Variants in LIN28B observed in about 807,000 individuals in gnomAD.
LIN28B encodes the protein lin-28 RNA binding posttranscriptional regulator B.
Under a neutral mutation model 21.9 loss-of-function variants are expected in LIN28B, and 5 were observed. The observed-to-expected ratio is 0.23, with a 90% CI of 0.12 to 0.48. The LOEUF (loss-of-function observed/expected upper bound fraction) is 0.48. LIN28B is among the 20% of genes least tolerant of loss of function. LIN28B has a pLI of 0.98. For synonymous variants in LIN28B, 109 were observed against 111.3 expected, an observed-to-expected ratio of 0.98 and a Z score of 0.13; for missense variants, 245 against 310.5, an observed-to-expected ratio of 0.79 and a Z score of 1.58.
At chr6:105,037,712 C>T (rs1771549212) in intron 3 of LIN28B, among the ~76,000 whole-genome samples, 1 of 151,652 alleles carries the variant, frequency 6.6e-6, no homozygotes, top group Non-Finnish European at 1.5e-5. Flanking sequence ...GGTTTTGCCA[C>T]GTTGCCCAGG....
intron 2 of LIN28B, among the ~76,000 whole-genome samples, chr6:104,987,857 C>T (rs1188783555): frequency 1.3e-5 from 2 of 152,082 alleles, no homozygotes; most frequent in Non-Finnish European, 2.9e-5. Context: ...TGATCTCCTG[C>T]CCCAGCCTTC....
At chr6:104,942,574 GATAA>G (rs1291368296) in intron 2 of LIN28B, among the ~76,000 whole-genome samples, 1 of 152,072 alleles carries the variant, frequency 6.6e-6, no homozygotes, top group African/African-American at 2.4e-5. Context: ...GGAGTCATAT[GATAA>G]ATTAACAGAA....
intron 2 of LIN28B, among the ~76,000 whole-genome samples, chr6:104,988,645 C>T (rs1770398001): frequency 6.7e-6 from 1 of 148,378 alleles, no homozygotes; most frequent in Non-Finnish European, 1.5e-5. Context: ...CATCTCAACT[C>T]ACTGCAACCT....
intron 3 of LIN28B, among the ~76,000 whole-genome samples, chr6:105,056,611 T>G (rs879323565): frequency 8.1e-4 from 123 of 152,204 alleles, no homozygotes; most frequent in Non-Finnish European, 1.5e-3. Flanking sequence ...TGCTTATCTC[T>G]CTGCCAAACA....
intron 2 of LIN28B, among the ~76,000 whole-genome samples, chr6:105,019,303 A>G (rs997004220): frequency 6.6e-6 from 1 of 152,190 alleles, no homozygotes; most frequent in Non-Finnish European, 1.5e-5. Context: ...CTTCAGATAC[A>G]TGAATGAGGG....
chr6:105,048,693 A>G (rs1771825784), intron 3 of LIN28B, among the ~76,000 whole-genome samples: 1 of 152,084 alleles, frequency 6.6e-6, no homozygotes, highest in Non-Finnish European at 1.5e-5. Context: ...TCAATCTCAG[A>G]TCCTGTTATC....
chr6:105,022,786 T>C (rs766945138), intron 2 of LIN28B, among the ~76,000 whole-genome samples: 2 of 152,108 alleles, frequency 1.3e-5, no homozygotes, highest in Non-Finnish European at 2.9e-5. Flanking sequence ...GAAATGAGAC[T>C]GAGAAACAGG....
At chr6:105,063,653 A>AAG (rs1554191044) in intron 3 of LIN28B, among the ~76,000 whole-genome samples, 2 of 149,902 alleles carry the variant, frequency 1.3e-5, no homozygotes, top group African/African-American at 2.5e-5. Flanking sequence ...GGGGGGAAAA[A>AAG]AAGGTAAAGT....
intron 3 of LIN28B, among the ~76,000 whole-genome samples, chr6:105,074,695 C>T (rs1772393205): frequency 6.6e-6 from 1 of 151,834 alleles, no homozygotes; most frequent in African/African-American, 2.4e-5. Flanking sequence ...TTAAACTGAA[C>T]ATTTTTGTTT....
At chr6:104,975,790 G>A (rs1388898547) in intron 2 of LIN28B, among the ~76,000 whole-genome samples, 1 of 151,712 alleles carries the variant, frequency 6.6e-6, no homozygotes, top group Non-Finnish European at 1.5e-5. Flanking sequence ...GCATAGCTGG[G>A]ACTACAGGTG....
intron 2 of LIN28B, among the ~76,000 whole-genome samples, chr6:104,942,191 AT>A: frequency 6.6e-6 from 1 of 152,226 alleles, no homozygotes; most frequent in Non-Finnish European, 1.5e-5. Flanking sequence ...TTTTTTATTT[AT>A]CGATCACAAA....
chr6:105,069,183 A>C (rs1024376235), intron 3 of LIN28B, among the ~76,000 whole-genome samples: 5 of 152,184 alleles, frequency 3.3e-5, no homozygotes, highest in Non-Finnish European at 7.3e-5. Flanking sequence ...GTGCCACTGC[A>C]CTCCAGCCTG....
intron 2 of LIN28B, among the ~76,000 whole-genome samples, chr6:105,002,318 C>T (rs1770735944): frequency 6.6e-6 from 1 of 152,008 alleles, no homozygotes; most frequent in Non-Finnish European, 1.5e-5. Context: ...GAAGAAAATA[C>T]ATTTTAAAAT....
chr6:105,048,485 T>G (rs1300032087), intron 3 of LIN28B, among the ~76,000 whole-genome samples: 2 of 152,250 alleles, frequency 1.3e-5, no homozygotes, highest in African/African-American at 4.8e-5. Flanking sequence ...ATTCTCTTTT[T>G]GTTGTGTCTC....
upstream of LIN28B, among the ~76,000 whole-genome samples, chr6:104,953,429 T>C (rs1223806104): frequency 6.6e-6 from 1 of 152,220 alleles, no homozygotes; most frequent in Non-Finnish European, 1.5e-5. Flanking sequence ...ATAAGTGATA[T>C]ACGTCTGGAA....
rs140565158 is a variant in LIN28B at position 104,947,972 on chromosome 6, C to T, written c.19-2489C>T. 1.1e-3 allele frequency among the ~76,000 whole-genome samples: 172 copies of T among 152,018 alleles called. 1 individual carries two copies. The East Asian group carries it at 0.031, about 27-fold the overall frequency. ...CATTTTCATGGACTGTTATAATAAA[C>T]CACAGTACACTATTACATGGTAGAG... is the stretch of plus-strand genomic sequence containing the variant. On this transcript the variant is annotated intron_variant, in intron 2 of 5. Transcript: ENST00000635857.
upstream of LIN28B, among the ~76,000 whole-genome samples, chr6:104,956,484 GATTTT>G (rs1050485615): frequency 2.2e-4 from 33 of 152,214 alleles, no homozygotes; most frequent in Non-Finnish European, 3.8e-4. Flanking sequence ...TTTCTAGTAG[GATTTT>G]ATTTTAAATT....
At chr6:104,947,111 T>A (rs751420582) in intron 2 of LIN28B, among the ~76,000 whole-genome samples, 3 of 152,122 alleles carry the variant, frequency 2.0e-5, no homozygotes, top group Non-Finnish European at 4.4e-5. Flanking sequence ...TATCTGAGCT[T>A]AACAGCTTGG....
At chr6:104,972,659 C>A (rs765961217) in intron 2 of LIN28B, among the ~76,000 whole-genome samples, 31 of 151,996 alleles carry the variant, frequency 2.0e-4, no homozygotes, top group Non-Finnish European at 2.9e-4. Flanking sequence ...GATTTTCTTT[C>A]TCCTAAAATA....
Sources: gnomAD v4.1 joint callset for allele counts (sites outside exome capture counted in the v4.1 genomes callset) on GRCh38, gnomAD v4.1.1 for gene constraint, MANE v1.5 for transcripts, NCBI Gene and HGNC (gene_info 2026-07-23, HGNC 2026-07-21) for gene names.